Variants in SPAG16 observed in about 807,000 individuals in gnomAD.
SPAG16 encodes the protein sperm associated antigen 16, also known as sperm-associated antigen 16 protein.
In SPAG16, 86 loss-of-function variants were observed where a neutral mutation model predicts 80.4. The ratio of observed to expected loss-of-function variants is 1.07; its 90% CI spans 0.90 to 1.28. SPAG16 has a LOEUF of 1.28. Among genes scored for constraint, SPAG16 ranks in the 50% most tolerant of loss-of-function variants. The probability of loss-of-function intolerance (pLI) is 0.00; values close to 1 mark genes in which losing one functional copy is unlikely to be tolerated. For synonymous variants in SPAG16, 294 were observed against 265.9 expected (o/e 1.11, Z -1.03); for missense variants, 870 against 765.3 (o/e 1.14, Z -1.61).
intron 9 of SPAG16, among the ~76,000 whole-genome samples, chr2:213,475,498 C>T (rs1441548848): frequency 1.3e-5 from 2 of 152,164 alleles, no homozygotes; most frequent in Non-Finnish European, 2.9e-5. Flanking sequence ...GGAGAAAAGG[C>T]ATGCCTTAGT....
At chr2:214,061,422 C>A (rs934074973) in intron 13 of SPAG16, among the ~76,000 whole-genome samples, 10 of 152,250 alleles carry the variant, frequency 6.6e-5, no homozygotes, top group Middle Eastern at 3.4e-3. Flanking sequence ...CGTGTGTATA[C>A]ATATACTTTA....
intron 9 of SPAG16, among the ~76,000 whole-genome samples, chr2:213,420,455 C>T (rs2069516438): frequency 6.6e-6 from 1 of 152,204 alleles, no homozygotes; most frequent in East Asian, 1.9e-4. Flanking sequence ...TGCATTATTA[C>T]TCACAAGTAG....
At position 213,729,976 on chromosome 2, in the gene SPAG16, C is replaced by T. The variant is rs555618049; in HGVS notation, c.1071-132509C>T. 6.6e-5 allele frequency among the ~76,000 whole-genome samples: 10 copies of T among 152,300 alleles called. No individual in the cohort carries two copies. The South Asian group carries it at 1.2e-3, about 19-fold the overall frequency. ...ATTAAACAAAATGAGCAACTCTTTA[C>T]GTGCAGACACTCTTGCTCCAAATTA... On this transcript the variant is annotated intron_variant, in intron 10 of 15. Coordinates refer to ENST00000331683, the MANE Select transcript of SPAG16 (RefSeq NM_024532.5).
At chr2:214,225,153 G>A (rs963009480) in intron 15 of SPAG16, among the ~76,000 whole-genome samples, 7 of 152,288 alleles carry the variant, frequency 4.6e-5, no homozygotes, top group South Asian at 2.1e-4. Context: ...CAATGTAGCT[G>A]CAAGACAATA....
At chr2:213,953,412 T>C (rs1395327940) in intron 12 of SPAG16, among the ~76,000 whole-genome samples, 1 of 151,734 alleles carries the variant, frequency 6.6e-6, no homozygotes, top group Non-Finnish European at 1.5e-5. Context: ...AGAAAAAGTA[T>C]ATAAAAAAGT....
chr2:213,322,854 A>T (rs544607794), intron 5 of SPAG16, among the ~76,000 whole-genome samples: 27 of 152,262 alleles, frequency 1.8e-4, no homozygotes, highest in African/African-American at 6.5e-4. Flanking sequence ...GGAAAATGGA[A>T]TTCCAGGCAG....
intron 8 of SPAG16, among the ~76,000 whole-genome samples, chr2:213,367,000 A>G (rs1482744350): frequency 2.0e-5 from 3 of 151,530 alleles, no homozygotes; most frequent in Non-Finnish European, 2.9e-5. Context: ...AAGTGTTCTC[A>G]TTGTTCAATT....
chr2:214,106,771 G>GAC (rs1248028137), intron 13 of SPAG16, among the ~76,000 whole-genome samples: 1 of 152,124 alleles, frequency 6.6e-6, no homozygotes, highest in Non-Finnish European at 1.5e-5. Flanking sequence ...AGTAGATGAA[G>GAC]ACTTTTGAGT....
rs111310087 is a variant in SPAG16, at chr2:213,614,374, C to T, written c.1070+124284C>T. On this transcript the variant is annotated intron_variant, in intron 10 of 15. Coordinates refer to ENST00000331683, the MANE Select transcript of SPAG16 (RefSeq NM_024532.5). ...TATTACTTTGTATCTCTCAGTGCTA[C>T]CCAGAAGACAGTCACTGATGGTAAT... 7.2e-3 allele frequency among the ~76,000 whole-genome samples: 1,101 copies of T among 152,286 alleles called. 7 individuals are homozygous for T. The highest frequency in any genetic ancestry group is 0.01 in the Non-Finnish European group (688 of 68,024).
At chr2:213,405,738 T>A (rs1017749660) in intron 9 of SPAG16, among the ~76,000 whole-genome samples, 1 of 152,218 alleles carries the variant, frequency 6.6e-6, no homozygotes, top group African/African-American at 2.4e-5. Context: ...ATTTGTCCTT[T>A]TGTGCCTGGT....
At chr2:213,726,071 AC>A (rs1442736315) in intron 10 of SPAG16, among the ~76,000 whole-genome samples, 1 of 152,168 alleles carries the variant, frequency 6.6e-6, no homozygotes, top group Non-Finnish European at 1.5e-5. Flanking sequence ...CCAGCCTAAT[AC>A]CCAACTGCCA....
At chr2:213,475,888 G>A (rs940335943) in intron 9 of SPAG16, among the ~76,000 whole-genome samples, 1 of 152,174 alleles carries the variant, frequency 6.6e-6, no homozygotes, top group African/African-American at 2.4e-5. Flanking sequence ...CCTTCACATA[G>A]AAAAGCTCCT....
chr2:213,586,994 A>G (rs1366030825), intron 10 of SPAG16, among the ~76,000 whole-genome samples: 1 of 151,906 alleles, frequency 6.6e-6, no homozygotes, highest in African/African-American at 2.4e-5. Flanking sequence ...TTGCCATGCT[A>G]TTGTGATTGT....
At chr2:213,392,610 G>T (rs1022027074) in intron 9 of SPAG16, among the ~76,000 whole-genome samples, 1 of 152,120 alleles carries the variant, frequency 6.6e-6, no homozygotes, top group Non-Finnish European at 1.5e-5. Flanking sequence ...ACTTTGGGAG[G>T]CCGAGGTGGG....
chr2:213,959,827 A>G (rs11902344), intron 12 of SPAG16, among the ~76,000 whole-genome samples: 14,910 of 152,060 alleles, frequency 0.098, 1,071 homozygotes, highest in African/African-American at 0.2. Flanking sequence ...ACCTAAACCT[A>G]ACCTTCCTCC....
Position 213,613,229 on chromosome 2 carries a change from T to C in SPAG16, c.1070+123139T>C, listed in dbSNP as rs535230937. Among the ~76,000 whole-genome samples, 4 of 152,292 alleles carry C rather than the reference T, an allele frequency of 2.6e-5. No individual in the cohort carries two copies. In the South Asian group the frequency reaches 8.3e-4, roughly 32 times the overall value. ...CACCCCCAGCCAAATCTATTCTCAATACAAAAGCCAGAGTAATTCTATTAA... is the reference window on the plus strand; with the variant it reads ...CACCCCCAGCCAAATCTATTCTCAACACAAAAGCCAGAGTAATTCTATTAA... On this transcript the variant is annotated intron_variant, in intron 10 of 15. Coordinates refer to ENST00000331683, the MANE Select transcript of SPAG16 (RefSeq NM_024532.5).
At chr2:213,419,221 C>T (rs1365167482) in intron 9 of SPAG16, among the ~76,000 whole-genome samples, 3 of 152,128 alleles carry the variant, frequency 2.0e-5, no homozygotes, top group Non-Finnish European at 4.4e-5. Context: ...ATAACTCCTT[C>T]CTGAAAATTC....
chr2:213,361,184 G>GA (rs1332849776), intron 7 of SPAG16, among the ~76,000 whole-genome samples: 1 of 151,858 alleles, frequency 6.6e-6, no homozygotes, highest in Non-Finnish European at 1.5e-5. Flanking sequence ...AAAATGTAAT[G>GA]AAAAACCTAT....
chr2:213,671,671 C>T (rs1261984589), intron 10 of SPAG16, among the ~76,000 whole-genome samples: 1 of 152,170 alleles, frequency 6.6e-6, no homozygotes. Flanking sequence ...ATTTCCCAGA[C>T]CTTGCTCTCT....
Sources: allele counts gnomAD v4.1 joint callset (sites outside exome capture counted in the v4.1 genomes callset), GRCh38; gene constraint gnomAD v4.1.1; transcripts MANE v1.5; gene names NCBI Gene and HGNC (gene_info 2026-07-23, HGNC 2026-07-21).